CDH20: variants seen among roughly 807,000 people sequenced by gnomAD.
CDH20 encodes the protein cadherin-20.
In CDH20, 29 loss-of-function variants were observed where a neutral mutation model predicts 74.2. The observed-to-expected ratio is 0.39, with a 90% confidence interval of 0.29 to 0.53. CDH20 has a LOEUF of 0.53. Among genes scored for constraint, CDH20 ranks in the 20% least tolerant of loss-of-function variants. CDH20 has a pLI of 0.69. For missense variants in CDH20, 988 were observed against 1,048.3 expected (o/e 0.94, Z 0.79); for synonymous variants, 469 against 405.4 (o/e 1.16, Z -1.88).
At chr18:61,480,647 C>T (rs2144276753) in intron 1 of CDH20, among the ~76,000 whole-genome samples, 1 of 152,284 alleles carries the variant, frequency 6.6e-6, no homozygotes, top group South Asian at 2.1e-4. Flanking sequence ...CAGGGTTGCC[C>T]TACGCAATTC....
chr18:61,359,547 G>C (rs1037845213), intron 1 of CDH20, among the ~76,000 whole-genome samples: 2 of 152,120 alleles, frequency 1.3e-5, no homozygotes, highest in African/African-American at 4.8e-5. Flanking sequence ...CAAGGGTGGG[G>C]AGCATGGATT....
At chr18:61,385,575 A>T (rs1911567139) in intron 1 of CDH20, among the ~76,000 whole-genome samples, 1 of 146,122 alleles carries the variant, frequency 6.8e-6, no homozygotes, top group Admixed American at 7.4e-5. Flanking sequence ...AAGGCAAAAA[A>T]AAATTTGGGG....
chr18:61,487,229 A>G (rs1357685816), intron 1 of CDH20, among the ~76,000 whole-genome samples: 4 of 152,334 alleles, frequency 2.6e-5, no homozygotes, highest in African/African-American at 7.2e-5. Flanking sequence ...TATAAGAACA[A>G]CAGCAATTAG....
At chr18:61,483,211 A>G (rs1910648438) in intron 1 of CDH20, among the ~76,000 whole-genome samples, 1 of 152,254 alleles carries the variant, frequency 6.6e-6, no homozygotes, top group African/African-American at 2.4e-5. Flanking sequence ...TCACGTGCTA[A>G]GCACCTCTTG....
At chr18:61,371,658 T>C (rs998447004) in intron 1 of CDH20, among the ~76,000 whole-genome samples, 1 of 152,036 alleles carries the variant, frequency 6.6e-6, no homozygotes, top group Non-Finnish European at 1.5e-5. Context: ...GGGTTTGGTC[T>C]CAAGAAAGGC....
In CDH20 at chr18:61,539,099, C is replaced by G. The variant is rs1265831496; in HGVS notation, c.1484C>G (p.Pro495Arg). 3.1e-6 allele frequency: 5 copies of G among 1,613,926 alleles called. No homozygotes were observed. In the Admixed American group the frequency reaches 6.7e-5, roughly 22 times the overall value. The change falls in exon 9 of 12, where the codon CCC (proline) becomes CGC (arginine). Residue 495 changes from proline (P) to arginine (R), a missense_variant. By Grantham distance (103) the Pro-to-Arg change is moderately radical. Around this residue, in one of 2 missense-constraint regions of CDH20, gnomAD observed 613 missense variants for 755.2 expected, o/e 0.81. Coordinates refer to ENST00000262717, the MANE Select transcript of CDH20 (RefSeq NM_031891.4). The part of the protein sequence containing the change: ...LDVNDNAPEF[P>R]RFYEAFVCEN... ...GTGAATGACAATGCTCCAGAGTTCCCCAGATTCTATGAAGCTTTTGTCTGT... is the reference window on the plus strand; with the variant it reads ...GTGAATGACAATGCTCCAGAGTTCCGCAGATTCTATGAAGCTTTTGTCTGT...
intron 1 of CDH20, among the ~76,000 whole-genome samples, chr18:61,454,603 C>A (rs1308254024): frequency 6.6e-6 from 1 of 152,174 alleles, no homozygotes; most frequent in Non-Finnish European, 1.5e-5. Flanking sequence ...TTTCAGCCAC[C>A]CTCTTCTAAA....
intron 10 of CDH20, 31 bp from the exon 11 acceptor site, chr18:61,549,947 T>C (rs1161847767): frequency 1.3e-6 from 2 of 1,599,192 alleles, no homozygotes; most frequent in Non-Finnish European, 8.6e-7. Flanking sequence ...CACCTTCCCT[T>C]TTCCAATCCT....
At chr18:61,488,593 C>A (rs1202299898) in intron 1 of CDH20, among the ~76,000 whole-genome samples, 1 of 152,156 alleles carries the variant, frequency 6.6e-6, no homozygotes, top group Non-Finnish European at 1.5e-5. Context: ...AAGATAGAAC[C>A]AGTAACCAAA....
intron 1 of CDH20, among the ~76,000 whole-genome samples, chr18:61,427,913 G>A (rs1913127292): frequency 1.3e-5 from 2 of 152,214 alleles, no homozygotes; most frequent in Non-Finnish European, 1.5e-5. Context: ...CCAGGTTTAT[G>A]TTAGACATCT....
intron 1 of CDH20, among the ~76,000 whole-genome samples, chr18:61,425,509 G>A (rs143696226): frequency 7.2e-4 from 109 of 152,280 alleles, no homozygotes; most frequent in African/African-American, 2.5e-3. Flanking sequence ...CCCAGAGCAC[G>A]TTTGTCCCAA....
chr18:61,419,069 G>T (rs1434131463), intron 1 of CDH20, among the ~76,000 whole-genome samples: 4 of 151,978 alleles, frequency 2.6e-5, no homozygotes, highest in Non-Finnish European at 4.4e-5. Flanking sequence ...CGCCCTTAGG[G>T]TATCTTCTTT....
chr18:61,347,319 T>TACAC (rs33985303), intron 1 of CDH20, among the ~76,000 whole-genome samples: 22 of 77,410 alleles, frequency 2.8e-4, no homozygotes, highest in East Asian at 2.1e-3. Context: ...TATATATATA[T>TACAC]ACACACACAC....
chr18:61,515,269 G>T (rs1410071585), intron 6 of CDH20, among the ~76,000 whole-genome samples: 2 of 152,134 alleles, frequency 1.3e-5, no homozygotes, highest in Admixed American at 6.5e-5. Context: ...TTTTCCAGGT[G>T]CTGTCCGTCA....
At chr18:61,431,530 G>A (rs1326862798) in intron 1 of CDH20, among the ~76,000 whole-genome samples, 1 of 151,972 alleles carries the variant, frequency 6.6e-6, no homozygotes, top group Non-Finnish European at 1.5e-5. Context: ...AAATGTAAGA[G>A]GAAACTAATA....
At chr18:61,397,127 A>T (rs1274483765) in intron 1 of CDH20, among the ~76,000 whole-genome samples, 1 of 152,060 alleles carries the variant, frequency 6.6e-6, no homozygotes, top group Non-Finnish European at 1.5e-5. Context: ...CTAGGATATA[A>T]GAAACAGATT....
At chr18:61,532,620 T>G (rs1356750562) in intron 7 of CDH20, among the ~76,000 whole-genome samples, 1 of 151,848 alleles carries the variant, frequency 6.6e-6, no homozygotes, top group Non-Finnish European at 1.5e-5. Flanking sequence ...TTACTGCATG[T>G]GATAGTTTGG....
intron 2 of CDH20, among the ~76,000 whole-genome samples, chr18:61,495,949 C>T (rs1460686320): frequency 2.6e-5 from 4 of 151,890 alleles, no homozygotes; most frequent in Admixed American, 2.6e-4. Context: ...TTCCTGCTTC[C>T]CTGGGGCTGT....
chr18:61,375,545 G>T (rs765398453), intron 1 of CDH20, among the ~76,000 whole-genome samples: 2 of 152,060 alleles, frequency 1.3e-5, no homozygotes, highest in Admixed American at 6.6e-5. Context: ...CTTCCTGTAG[G>T]TCACTGAACA....
Sources: gnomAD v4.1 joint callset for allele counts (sites outside exome capture counted in the v4.1 genomes callset) on GRCh38, gnomAD v4.1.1 for gene constraint, gnomAD v4.1.1 regional missense constraint, MANE v1.5 for transcripts, NCBI Gene and HGNC (gene_info 2026-07-23, HGNC 2026-07-21) for gene names.